COQ7: variants seen among roughly 807,000 people sequenced by gnomAD.
COQ7 encodes the protein coenzyme Q7, hydroxylase, also known as NADPH-dependent 3-demethoxyubiquinone 3-hydroxylase, mitochondrial.
Under a neutral mutation model 25.0 loss-of-function variants are expected in COQ7, and 21 were observed. The observed-to-expected ratio is 0.84, with a 90% confidence interval of 0.60 to 1.21. The LOEUF (loss-of-function observed/expected upper bound fraction) is 1.21, where lower values mean the gene tolerates loss of function less well. Ranked by LOEUF, COQ7 falls within the 50% of genes most tolerant of loss-of-function variation. The pLI is 0.00. For synonymous variants in COQ7, 125 were observed against 112.4 expected (o/e 1.11, Z -0.71); for missense variants, 311 against 296.2 (o/e 1.05, Z -0.37).
chr16:19,071,900 T>G, intron 1 of COQ7, 28 bp from the exon 2 acceptor site: 1 of 1,613,356 alleles, frequency 6.2e-7, no homozygotes, highest in Non-Finnish European at 8.5e-7. Flanking sequence ...TACCTGATCA[T>G]AACGAAGAAT....
At chr16:19,074,578 C>G (rs1962738065) in intron 3 of COQ7, among the ~76,000 whole-genome samples, 1 of 152,084 alleles carries the variant, frequency 6.6e-6, no homozygotes, top group Admixed American at 6.6e-5. Flanking sequence ...GGGTCTCACT[C>G]TGTTGCCCAG....
intron 3 of COQ7, 35 bp from the exon 4 acceptor site, chr16:19,075,686 C>T: frequency 6.5e-7 from 1 of 1,535,088 alleles, no homozygotes; most frequent in Non-Finnish European, 8.7e-7. Context: ...TCATATCTGT[C>T]TCTTACTTTT....
At chr16:19,075,046 A>T (rs1317157144) in intron 3 of COQ7, among the ~76,000 whole-genome samples, 1 of 152,120 alleles carries the variant, frequency 6.6e-6, no homozygotes, top group Non-Finnish European at 1.5e-5. Context: ...TCTCTTGGCC[A>T]CGGTCAGGAT....
chr16:19,071,702 C>T (rs1477014362), intron 1 of COQ7: 11 of 546,898 alleles, frequency 2.0e-5, no homozygotes, highest in South Asian at 1.5e-4. Flanking sequence ...AAGGTAGGCT[C>T]AGCATTTCCA....
At chr16:19,076,423 G>T (rs1962842931) in intron 4 of COQ7, among the ~76,000 whole-genome samples, 1 of 151,348 alleles carries the variant, frequency 6.6e-6, no homozygotes, top group South Asian at 2.1e-4. Flanking sequence ...GCCCTGTCCT[G>T]TTCACTTATT....
intron 1 of COQ7, among the ~76,000 whole-genome samples, chr16:19,069,644 C>G (rs1381095995): frequency 6.6e-6 from 1 of 152,042 alleles, no homozygotes; most frequent in Non-Finnish European, 1.5e-5. Flanking sequence ...CTCCTGACCT[C>G]AAGTGATTCT....
At chr16:19,082,265 G>A (rs1169043467), downstream of COQ7, among the ~76,000 whole-genome samples, 2 of 152,132 alleles carry the variant, frequency 1.3e-5, no homozygotes, top group Non-Finnish European at 2.9e-5. Flanking sequence ...AAATAGTTCT[G>A]GAAATGTATG....
intron 3 of COQ7, 157 bp downstream of exon 3, chr16:19,074,192 G>A (rs1309344036): frequency 1.8e-6 from 1 of 543,334 alleles, no homozygotes; most frequent in Non-Finnish European, 3.3e-6. Flanking sequence ...TTTTTTGTGT[G>A]TGGTTAAATT....
In COQ7 at chr16:19,071,350, G is replaced by A. The variant is rs796558544; in HGVS notation, c.74-578G>A. ...GGGGTTTCACCATGTTGGCGAGGCT[G>A]GTCTCAAACTCCTGACCTCAGGTGA... On this transcript the variant is annotated intron_variant, in intron 1 of 5. Transcript: ENST00000321998. Among the ~76,000 whole-genome samples the A allele has an allele frequency of 5.9e-5, 9 of 152,344 alleles. 1 individual carries two copies. Among genetic ancestry groups the A allele is most frequent in the African/African-American group, 2.2e-4 (9 of 41,580 alleles).
At chr16:19,074,102 C>A in intron 3 of COQ7, 67 bp downstream of exon 3, 1 of 1,206,614 alleles carries the variant, frequency 8.3e-7, no homozygotes, top group Non-Finnish European at 1.2e-6. Context: ...CTTCAGGTAT[C>A]ATGTTCACAA....
rs115935875 is a variant in COQ7, at chr16:19,072,554, G to A, written c.252+448G>A. 3.1e-3 allele frequency among the ~76,000 whole-genome samples: 468 copies of A among 152,258 alleles called. 4 individuals are homozygous for A. Among genetic ancestry groups the A allele is most frequent in the African/African-American group, 0.011 (443 of 41,548 alleles). ...CTCCTACCTGTGCGACCTTGAGGAT[G>A]GCACAGGACTTCTCTGGGTTTCCAT... On this transcript the variant is annotated intron_variant, in intron 2 of 5. Coordinates refer to ENST00000321998, the MANE Select transcript of COQ7 (RefSeq NM_016138.5).
intron 3 of COQ7, among the ~76,000 whole-genome samples, chr16:19,075,436 G>A (rs1416698000): frequency 3.7e-5 from 1 of 27,014 alleles, no homozygotes; most frequent in Non-Finnish European, 2.7e-4. Context: ...CTGACCTCAG[G>A]TGATCCGCCT....
rs1312444942 is a variant in COQ7, at chr16:19,067,688, G to A, written c.24G>A (p.Ala8=). The stretch of plus-strand genomic sequence containing the variant: ...CAATGAGTTGCGCCGGGGCGGCGGC[G>A]GCTCCCCGCCTTTGGCGGCTGCGCC... MSCAGAA[A]APRLWRLRPG... is the part of the protein sequence containing the mutation. The change falls in exon 1 of 6, where the codon GCG becomes GCA. Residue 8 remains alanine, a synonymous_variant. Coordinates refer to ENST00000321998, the MANE Select transcript of COQ7 (RefSeq NM_016138.5). 5.0e-6 allele frequency: 8 copies of A among 1,610,416 alleles called. No individual in the cohort carries two copies. Among genetic ancestry groups the A allele is most frequent in the Non-Finnish European group, 6.8e-6 (8 of 1,178,540 alleles).
rs1164855477 is a variant in COQ7 at position 19,075,812 on chromosome 16, C to T, written c.459C>T (p.Ile153=). 1.2e-6 allele frequency: 2 copies of T among 1,614,038 alleles called. No individual in the cohort carries two copies. The highest frequency in any genetic ancestry group is 1.3e-5 in the African/African-American group (1 of 74,940). The change falls in exon 4 of 6, where the codon ATC becomes ATT. Residue 153 remains isoleucine (I), a synonymous_variant. Coordinates refer to ENST00000321998, the MANE Select transcript of COQ7 (RefSeq NM_016138.5). Reference sequence around the variant, plus strand: ...TAGCACATCACTACAACAACCAGATCAGGACGCTGATGGAGGAGGACCCTG... The same window carrying T: ...TAGCACATCACTACAACAACCAGATTAGGACGCTGATGGAGGAGGACCCTG... ...ESIAHHYNNQ[I]RTLMEEDPEK...
In COQ7 at chr16:19,078,306, TCTGCAGTGTTGA is replaced by T; in HGVS notation, c.*149_*160del. Reference sequence around the variant, plus strand: ...AAGGTTTGTTTTTTTTTTTTTAAACTCTGCAGTGTTGATTTTTCTCTGGGTTGTTTTTTCTGC... The same window carrying T: ...AAGGTTTGTTTTTTTTTTTTTAAACTTTTTTCTCTGGGTTGTTTTTTCTGC... On this transcript the variant is annotated 3_prime_UTR_variant, in exon 6 of 6. Transcript: ENST00000321998. The T allele has an allele frequency of 3.6e-6, 2 of 561,876 alleles. No individual in the cohort carries two copies. Among genetic ancestry groups the T allele is most frequent in the Non-Finnish European group, 5.7e-6 (2 of 353,152 alleles). 34.8% of individuals were successfully genotyped at this position (561,876 alleles called of 1,614,324 possible).
At chr16:19,067,913 AGTT>A (rs1219936128) in intron 1 of COQ7, 176 bp downstream of exon 1, 1 of 1,482,800 alleles carries the variant, frequency 6.7e-7, no homozygotes, top group African/African-American at 1.4e-5. Flanking sequence ...CGGGGTCTGT[AGTT>A]AGCGGCGAGA....
Position 19,079,383 on chromosome 16 carries a change from G to A in COQ7, c.*1225G>A, listed in dbSNP as rs1423674010. 6.6e-6 allele frequency: 1 copy of A among 151,768 alleles called. No individual in the cohort carries two copies. The highest frequency in any genetic ancestry group is 6.6e-5 in the Admixed American group (1 of 15,202). 9.4% of individuals were successfully genotyped at this position (151,768 alleles called of 1,614,324 possible). A position where few individuals can be genotyped will look rare whatever the true frequency, so the allele number is the denominator to read the frequency against. ...AATTGAATTACAACCTTTTCCTTAA[G>A]GTCTTTTACCACCTCCCCCCCAAAA... is the stretch of plus-strand genomic sequence containing the variant. On this transcript the variant is annotated 3_prime_UTR_variant, in exon 6 of 6. Transcript: ENST00000321998.
Position 19,075,876 on chromosome 16 carries a change from C to G in COQ7, c.507+16C>G. 6.2e-7 allele frequency: 1 copy of G among 1,614,096 alleles called. No homozygotes were observed. Among genetic ancestry groups the G allele is most frequent in the Non-Finnish European group, 8.5e-7 (1 of 1,179,988 alleles). On this transcript the variant is annotated intron_variant, in intron 4 of 5. Coordinates refer to ENST00000321998, the MANE Select transcript of COQ7 (RefSeq NM_016138.5). ...ACTTCTTCAGGTATTTATCCGTGCT[C>G]TAGAACGGGGCTGCTCAAGGAGGAA...
At position 19,074,044 on chromosome 16, in the gene COQ7, C is replaced by G; in HGVS notation, c.367+9C>G. On this transcript the variant is annotated intron_variant, in intron 3 of 5. Transcript: ENST00000321998. ...GCTGGGGTTTGCACTGGGTACGTGTCTCTCTAGAAGAGCTTATGCAAGCTT... is the reference window on the plus strand; with the variant it reads ...GCTGGGGTTTGCACTGGGTACGTGTGTCTCTAGAAGAGCTTATGCAAGCTT... 1 of 1,601,004 alleles carries G rather than the reference C, an allele frequency of 6.2e-7. No individual in the cohort carries two copies. Among genetic ancestry groups the G allele is most frequent in the Non-Finnish European group, 8.5e-7 (1 of 1,169,800 alleles).
Sources: gnomAD v4.1 joint callset for allele counts (sites outside exome capture counted in the v4.1 genomes callset) on GRCh38, gnomAD v4.1.1 for gene constraint, MANE v1.5 for transcripts, NCBI Gene and HGNC (gene_info 2026-07-23, HGNC 2026-07-21) for gene names.